N4BP2: variants seen among roughly 807,000 people sequenced by gnomAD.
N4BP2 encodes NEDD4-binding protein 2.
A neutral mutation model predicts 152.8 loss-of-function variants in N4BP2; 91 were observed. The observed-to-expected ratio is 0.60, with a 90% CI of 0.50 to 0.71. The LOEUF is 0.71. N4BP2 is among the 30% of genes least tolerant of loss of function. The pLI is 0.00. For missense variants in N4BP2, 1,923 were observed against 2,059.1 expected (o/e 0.93, Z 1.28); for synonymous variants, 646 against 705.3 (o/e 0.92, Z 1.33).
At chr4:40,140,046 C>T (rs1404883128) in intron 14 of N4BP2, among the ~76,000 whole-genome samples, 2 of 151,874 alleles carry the variant, frequency 1.3e-5, no homozygotes, top group Non-Finnish European at 1.5e-5. Flanking sequence ...TCCACCTTGG[C>T]CTCCCAAAGT....
intron 1 of N4BP2, among the ~76,000 whole-genome samples, chr4:40,070,587 G>A (rs1440706647): frequency 6.6e-6 from 1 of 151,758 alleles, no homozygotes; most frequent in African/African-American, 2.4e-5. Flanking sequence ...GTGGCTGGGG[G>A]CTACAGGCAC....
intron 2 of N4BP2, among the ~76,000 whole-genome samples, chr4:40,075,378 A>G (rs1712627534): frequency 6.6e-6 from 1 of 152,142 alleles, no homozygotes; most frequent in African/African-American, 2.4e-5. Context: ...AGGTCTATCC[A>G]GTTTTTACAC....
At chr4:40,112,053 A>T (rs1716934428) in intron 5 of N4BP2, 31 bp from the exon 6 acceptor site, 1 of 1,207,782 alleles carries the variant, frequency 8.3e-7, no homozygotes, top group African/African-American at 1.6e-5. Context: ...ATTGTTTAAA[A>T]AATGATTTTT....
intron 13 of N4BP2, among the ~76,000 whole-genome samples, chr4:40,132,555 G>T (rs1053874044): frequency 3.3e-5 from 5 of 151,936 alleles, no homozygotes; most frequent in Non-Finnish European, 7.4e-5. Context: ...ATATTTTAAG[G>T]ACTTTAATTC....
intron 12 of N4BP2, among the ~76,000 whole-genome samples, chr4:40,128,102 T>A (rs1318496365): frequency 2.0e-5 from 3 of 152,258 alleles, no homozygotes; most frequent in Non-Finnish European, 4.4e-5. Flanking sequence ...GAAGCCATAC[T>A]TGCAGTAGAT....
rs775412960 is a variant in N4BP2, at chr4:40,121,835, CT to C, written c.3728del (p.Leu1243TyrfsTer12). 2.5e-6 allele frequency: 4 copies of C among 1,613,988 alleles called. No homozygotes were observed. The highest frequency in any genetic ancestry group is 3.4e-6 in the Non-Finnish European group (4 of 1,179,966). ...CATACTTCCTAACAGCCAGGAAGAA[CT>C]TTTATATAGCAGTAAGCAGTCCTTT... The part of the protein sequence containing the change: ...NDILPNSQEE[L>X]LYSSKQSFPG... On this transcript the variant is annotated frameshift_variant, in exon 9 of 18. Transcript: ENST00000261435. LOFTEE classifies it high-confidence loss of function.
chr4:40,076,482 A>C (rs1305564959), intron 2 of N4BP2, among the ~76,000 whole-genome samples: 1 of 152,134 alleles, frequency 6.6e-6, no homozygotes, highest in Non-Finnish European at 1.5e-5. Flanking sequence ...TGTCAAAAAA[A>C]ACCCAAAAAT....
At chr4:40,075,323 T>C (rs979632702) in intron 2 of N4BP2, among the ~76,000 whole-genome samples, 4 of 152,220 alleles carry the variant, frequency 2.6e-5, no homozygotes, top group Admixed American at 6.6e-5. Context: ...ATTAAAGGTA[T>C]ATATTTTTCA....
chr4:40,142,014 T>C (rs909209685), intron 14 of N4BP2, among the ~76,000 whole-genome samples: 15 of 146,824 alleles, frequency 1.0e-4, no homozygotes, highest in African/African-American at 3.7e-4. Flanking sequence ...GGCAGGGAGG[T>C]TGCAGTGAGC....
intron 12 of N4BP2, among the ~76,000 whole-genome samples, chr4:40,129,869 T>C (rs1269290207): frequency 6.6e-6 from 1 of 152,146 alleles, no homozygotes; most frequent in Non-Finnish European, 1.5e-5. Flanking sequence ...TTAGACATAA[T>C]ATATGAATAG....
Position 40,113,437 on chromosome 4 carries a change from G to T in N4BP2, c.1593G>T (p.Gln531His). The change falls in exon 7 of 18, where the codon CAG (glutamine) becomes CAT (histidine). Residue 531 changes from glutamine to histidine, a missense_variant. By Grantham distance (24) the Gln-to-His change is conservative (BLOSUM62 0). Coordinates refer to ENST00000261435, the MANE Select transcript of N4BP2 (RefSeq NM_018177.6). ...TTTGTCTTTGTTGTATGTAGTCTCA[G>T]AAACACAAATATAAAGTCCTTTTTC... ...WEMKPYVALS[Q>H]KHKYKVLFRE... is the part of the protein sequence containing the mutation. 2 of 1,608,920 alleles carry T rather than the reference G, an allele frequency of 1.2e-6. No homozygotes were observed. The highest frequency in any genetic ancestry group is 8.5e-7 in the Non-Finnish European group (1 of 1,175,972).
chr4:40,112,934 C>T (rs1449763800), intron 6 of N4BP2, among the ~76,000 whole-genome samples: 1 of 152,196 alleles, frequency 6.6e-6, no homozygotes, highest in Admixed American at 6.5e-5. Context: ...GAACTCCTGA[C>T]CTCAGTTAAT....
chr4:40,180,511 AT>A, the N4BP2 span, among the ~76,000 whole-genome samples: 2 of 152,128 alleles, frequency 1.3e-5, no homozygotes, highest in East Asian at 1.9e-4. Flanking sequence ...TAAAAAAAAA[AT>A]CTACTCTGAA....
At chr4:40,147,885 C>T (rs900715388) in intron 16 of N4BP2, among the ~76,000 whole-genome samples, 11 of 151,160 alleles carry the variant, frequency 7.3e-5, no homozygotes, top group Admixed American at 2.6e-4. Flanking sequence ...CCTCACATCC[C>T]AGACGGGGCG....
Position 40,106,879 on chromosome 4 carries a change from TATTTC to T in N4BP2, c.1374-16_1374-12del, listed in dbSNP as rs1396529834. On this transcript the variant is annotated splice_polypyrimidine_tract_variant and intron_variant, in intron 4 of 17. Transcript: ENST00000261435. ...ATTTAGAAGAAAAGGTAATGAAAAT[TATTTC>T]ATTTATCTTTCACAGGACTTTGCAA... 3.2e-6 allele frequency: 5 copies of T among 1,569,524 alleles called. No individual in the cohort carries two copies. Among genetic ancestry groups the T allele is most frequent in the Middle Eastern group, 1.7e-4 (1 of 5,732 alleles).
downstream of N4BP2, among the ~76,000 whole-genome samples, chr4:40,160,050 T>C (rs809914): frequency 0.8 from 121,030 of 151,874 alleles, 48,408 homozygotes; most frequent in East Asian, 0.97. Context: ...GAATTCCTGA[T>C]CTTAGGTGAT....
At chr4:40,169,535 G>C in the N4BP2 span, among the ~76,000 whole-genome samples, 1 of 151,284 alleles carries the variant, frequency 6.6e-6, no homozygotes, top group Non-Finnish European at 1.5e-5. Context: ...GATCAAATTA[G>C]AAACTGAACT....
intron 6 of N4BP2, among the ~76,000 whole-genome samples, chr4:40,113,003 C>T (rs1313495683): frequency 6.6e-6 from 1 of 152,132 alleles, no homozygotes; most frequent in African/African-American, 2.4e-5. Flanking sequence ...CATGTCCGGC[C>T]GAAAATTCTT....
the N4BP2 span, among the ~76,000 whole-genome samples, chr4:40,166,415 C>T: frequency 6.6e-6 from 1 of 152,014 alleles, no homozygotes; most frequent in Non-Finnish European, 1.5e-5. Flanking sequence ...ATTGGCTGGG[C>T]GAGGTGGCTT....
Sources: allele counts gnomAD v4.1 joint callset (sites outside exome capture counted in the v4.1 genomes callset), GRCh38; gene constraint gnomAD v4.1.1; transcripts MANE v1.5; gene names NCBI Gene and HGNC (gene_info 2026-07-23, HGNC 2026-07-21).